UFSP2: variants seen among roughly 807,000 people sequenced by gnomAD.
UFSP2 encodes ufm1-specific protease 2.
UFSP2 carries 43 observed loss-of-function variants against 60.2 expected under a neutral mutation model. That is an observed-to-expected ratio of 0.71 (90% confidence interval 0.56 to 0.92). UFSP2 has a LOEUF of 0.92. Ranked by LOEUF, UFSP2 falls within the 40% of genes least tolerant of loss-of-function variation. The pLI is 0.00. For missense variants in UFSP2, 520 were observed against 575.0 expected (o/e 0.90, Z 0.98); for synonymous variants, 183 against 195.1 (o/e 0.94, Z 0.52).
At position 185,399,784 on chromosome 4, in the gene UFSP2, CAG is replaced by C. The variant is rs762550681; in HGVS notation, c.*606_*607del. 2 of 1,613,668 alleles carry C rather than the reference CAG, an allele frequency of 1.2e-6. No individual in the cohort carries two copies. The highest frequency in any genetic ancestry group is 2.7e-5 in the African/African-American group (2 of 75,044). On this transcript the variant is annotated 3_prime_UTR_variant, in exon 12 of 12. Transcript: ENST00000264689. ...GAAAAGGAAGTGCTGGTAAGTAACT[CAG>C]AGCTGCTGCTTTTTTCCTCCCGCAG... is the stretch of plus-strand genomic sequence containing the variant.
intron 6 of UFSP2, among the ~76,000 whole-genome samples, chr4:185,414,148 ATTAT>A (rs1454091800): frequency 6.6e-6 from 1 of 152,214 alleles, no homozygotes; most frequent in Admixed American, 6.5e-5. Context: ...TTTTTAAATA[ATTAT>A]TTATTACAAC....
intron 4 of UFSP2, among the ~76,000 whole-genome samples, chr4:185,416,926 T>A (rs1422849201): frequency 1.3e-5 from 2 of 152,216 alleles, no homozygotes; most frequent in Non-Finnish European, 2.9e-5. Context: ...ACCAGATTAA[T>A]ATTGGATTCT....
chr4:185,399,904 C>G lies in UFSP2; in HGVS notation c.*488G>C. 1 of 1,538,982 alleles carries G rather than the reference C, an allele frequency of 6.5e-7. No homozygotes were observed. Among genetic ancestry groups the G allele is most frequent in the Non-Finnish European group, 8.7e-7 (1 of 1,145,060 alleles). On this transcript the variant is annotated 3_prime_UTR_variant, in exon 12 of 12. Transcript: ENST00000264689. ...TTTCATTCTCATTAACATTTTAGTA[C>G]TGGTTATACTTACCAGAGTCTAGAG... is the stretch of plus-strand genomic sequence containing the variant.
intron 1 of UFSP2, among the ~76,000 whole-genome samples, chr4:185,425,078 A>C (rs2095556907): frequency 6.6e-6 from 1 of 152,228 alleles, no homozygotes; most frequent in Non-Finnish European, 1.5e-5. Context: ...AAGGATGGTA[A>C]GAGTGGCGAC....
chr4:185,420,324 T>C (rs1002561403), intron 2 of UFSP2, among the ~76,000 whole-genome samples: 7 of 152,194 alleles, frequency 4.6e-5, no homozygotes, highest in African/African-American at 1.7e-4. Context: ...TTTTTGAATA[T>C]TTGACACATT....
At chr4:185,408,150 A>T in intron 8 of UFSP2, 90 bp from the exon 9 acceptor site, 2 of 1,547,876 alleles carry the variant, frequency 1.3e-6, no homozygotes, top group Admixed American at 1.8e-5. Context: ...CCAGTACAAG[A>T]ATTTTTTTTT....
intron 4 of UFSP2, among the ~76,000 whole-genome samples, chr4:185,417,239 A>T (rs2095540351): frequency 6.6e-6 from 1 of 152,202 alleles, no homozygotes; most frequent in South Asian, 2.1e-4. Flanking sequence ...ACAAATCCAA[A>T]AGGAGGGACA....
chr4:185,417,766 G>A (rs72712021), intron 4 of UFSP2, among the ~76,000 whole-genome samples: 7 of 152,116 alleles, frequency 4.6e-5, no homozygotes, highest in Non-Finnish European at 7.4e-5. Flanking sequence ...AGAACCAGCC[G>A]GGCGCGGTGG....
Position 185,399,916 on chromosome 4 carries a change from A to T in UFSP2, c.*476T>A, listed in dbSNP as rs2095511176. ...TAACATTTTAGTACTGGTTATACTTACCAGAGTCTAGAGACCAAAAATGGG... is the reference window on the plus strand; with the variant it reads ...TAACATTTTAGTACTGGTTATACTTTCCAGAGTCTAGAGACCAAAAATGGG... On this transcript the variant is annotated 3_prime_UTR_variant, in exon 12 of 12. Coordinates refer to ENST00000264689, the MANE Select transcript of UFSP2 (RefSeq NM_018359.5). 8.4e-6 allele frequency: 13 copies of T among 1,541,458 alleles called. No individual in the cohort carries two copies. Among genetic ancestry groups the T allele is most frequent in the Non-Finnish European group, 1.0e-5 (12 of 1,147,922 alleles).
chr4:185,410,762 C>A (rs186327403), intron 7 of UFSP2, among the ~76,000 whole-genome samples: 3 of 151,762 alleles, frequency 2.0e-5, no homozygotes, highest in African/African-American at 7.3e-5. Context: ...CTGGCCAATA[C>A]GGTGAAACCC....
At chr4:185,408,492 T>C in intron 7 of UFSP2, 57 bp from the exon 8 acceptor site, 22 of 1,523,146 alleles carry the variant, frequency 1.4e-5, no homozygotes, top group Non-Finnish European at 1.9e-5. Flanking sequence ...GTACATATTC[T>C]ATATATGCTC....
chr4:185,401,002 G>A (rs958618642), intron 11 of UFSP2, among the ~76,000 whole-genome samples: 1 of 152,144 alleles, frequency 6.6e-6, no homozygotes, highest in Non-Finnish European at 1.5e-5. Flanking sequence ...TTTGCCAGCA[G>A]AGAAAATTAC....
At chr4:185,418,348 AT>A in intron 4 of UFSP2, 92 bp downstream of exon 4, 1 of 972,850 alleles carries the variant, frequency 1.0e-6, no homozygotes, top group Non-Finnish European at 1.5e-6. Flanking sequence ...CTGACCTATG[AT>A]AAGAGGGTTA....
chr4:185,418,365 T>C (rs1416129089), intron 4 of UFSP2, 76 bp downstream of exon 4: 3 of 1,139,136 alleles, frequency 2.6e-6, no homozygotes, highest in Non-Finnish European at 3.8e-6. Flanking sequence ...GGTTAAATTA[T>C]TTCTAAGATT....
intron 1 of UFSP2, among the ~76,000 whole-genome samples, chr4:185,425,501 G>A (rs956355223): frequency 6.6e-6 from 1 of 152,158 alleles, no homozygotes; most frequent in Non-Finnish European, 1.5e-5. Context: ...GAGAAACCAG[G>A]GGAGGGAAAT....
rs554498536 is a variant in UFSP2 at position 185,403,527 on chromosome 4, G to T, written c.1290C>A (p.Thr430=). The T allele has an allele frequency of 5.3e-5, 85 of 1,613,946 alleles. 2 individuals carry two copies. In the South Asian group the frequency reaches 9.1e-4, roughly 17 times the overall value. ...AAATAACTTGCAGGTCTTCAGCACCGGTATAATGTGGATCTAGAATCAGAA... is the reference window on the plus strand; with the variant it reads ...AAATAACTTGCAGGTCTTCAGCACCTGTATAATGTGGATCTAGAATCAGAA... The part of the protein sequence containing the change: ...IKFLILDPHY[T]GAEDLQVILE... The change falls in exon 11 of 12, where the codon ACC becomes ACA. Residue 430 remains threonine, a synonymous_variant. Coordinates refer to ENST00000264689, the MANE Select transcript of UFSP2 (RefSeq NM_018359.5).
chr4:185,418,553 GA>G, intron 3 of UFSP2, 33 bp downstream of exon 3: 1 of 1,610,220 alleles, frequency 6.2e-7, no homozygotes, highest in South Asian at 1.1e-5. Context: ...ATGATGTTTT[GA>G]AAACATTTCT....
chr4:185,399,776 A>G lies in UFSP2; in HGVS notation c.*616T>C. On this transcript the variant is annotated 3_prime_UTR_variant, in exon 12 of 12. Transcript: ENST00000264689. Reference sequence around the variant, plus strand: ...ACCAGTGGGAAAAGGAAGTGCTGGTAAGTAACTCAGAGCTGCTGCTTTTTT... The same window carrying G: ...ACCAGTGGGAAAAGGAAGTGCTGGTGAGTAACTCAGAGCTGCTGCTTTTTT... 6.2e-7 allele frequency: 1 copy of G among 1,613,960 alleles called. No individual in the cohort carries two copies. The highest frequency in any genetic ancestry group is 8.5e-7 in the Non-Finnish European group (1 of 1,179,952).
intron 9 of UFSP2, among the ~76,000 whole-genome samples, chr4:185,407,017 CTT>C (rs34710879): frequency 0.027 from 2,632 of 99,118 alleles, 51 homozygotes; most frequent in African/African-American, 0.071. Flanking sequence ...TTTGGCTTTT[CTT>C]TTTTTTTTTT....
Sources: gnomAD v4.1 joint callset for allele counts (sites outside exome capture counted in the v4.1 genomes callset) on GRCh38, gnomAD v4.1.1 for gene constraint, MANE v1.5 for transcripts, NCBI Gene and HGNC (gene_info 2026-07-23, HGNC 2026-07-21) for gene names.